Variants in ROCK2 observed in about 807,000 individuals in gnomAD.
ROCK2 encodes rho-associated protein kinase 2.
Under a neutral mutation model 195.1 loss-of-function variants are expected in ROCK2, and 61 were observed. That is an observed-to-expected ratio of 0.31 (90% CI 0.25 to 0.39). The LOEUF (loss-of-function observed/expected upper bound fraction) is 0.39, where lower values mean the gene tolerates loss of function less well. Ranked by LOEUF, ROCK2 falls within the 10% of genes least tolerant of loss-of-function variation. The pLI is 1.00. For synonymous variants in ROCK2, 504 were observed against 545.5 expected (o/e 0.92, Z 1.06); for missense variants, 1,109 against 1,637.4 (o/e 0.68, Z 5.57).
intron 4 of ROCK2, among the ~76,000 whole-genome samples, chr2:11,248,705 T>C (rs1172796761): frequency 2.0e-4 from 4 of 20,172 alleles, no homozygotes; most frequent in African/African-American, 2.1e-4. Flanking sequence ...CAAGACTTCA[T>C]CTCAAAAAAA....
intron 5 of ROCK2, among the ~76,000 whole-genome samples, chr2:11,231,538 A>C (rs1454922167): frequency 6.6e-6 from 1 of 152,106 alleles, no homozygotes; most frequent in African/African-American, 2.4e-5. Context: ...CTAACATATA[A>C]AGTGGTCTTA....
chr2:11,306,723 T>A (rs1667870017), intron 1 of ROCK2, among the ~76,000 whole-genome samples: 1 of 152,210 alleles, frequency 6.6e-6, no homozygotes. Flanking sequence ...AACAAATATG[T>A]CTACAGCATA....
chr2:11,201,975 TGAG>T lies in ROCK2; in HGVS notation c.2619+74_2619+76del. ...CTTTTGCCCAGCTGCTCTTTTTATA[TGAG>T]TTGTATGGTATAAATAAAATATCCC... On this transcript the variant is annotated intron_variant, in intron 21 of 32. Transcript: ENST00000315872. This position sits in a 1 kb window ranked among gnomAD's most constrained non-coding sequence, Gnocchi z 4.6. 1 of 1,040,360 alleles carries T rather than the reference TGAG, an allele frequency of 9.6e-7. No homozygotes were observed. Among genetic ancestry groups the T allele is most frequent in the South Asian group, 1.3e-5 (1 of 76,884 alleles). The allele number at this position is 1,040,360 out of a possible 1,614,324, so 64.4% of individuals were successfully genotyped here.
At chr2:11,208,154 A>C in intron 19 of ROCK2, 133 bp downstream of exon 19, 1 of 490,878 alleles carries the variant, frequency 2.0e-6, no homozygotes, top group South Asian at 1.1e-4. Flanking sequence ...ATATCATCAA[A>C]ATTTAGTTAA....
Position 11,215,025 on chromosome 2 carries a change from G to C in ROCK2, c.1751C>G (p.Thr584Ser), listed in dbSNP as rs1252482300. 1.9e-6 allele frequency: 3 copies of C among 1,613,960 alleles called. No homozygotes were observed. The highest frequency in any genetic ancestry group is 3.3e-5 in the Admixed American group (2 of 60,018). ...AATCTGTTTTGAACTTTCTGCCTGGGTTTTCCTTAACCGGGCTGCAGTATC... is the reference window on the plus strand; with the variant it reads ...AATCTGTTTTGAACTTTCTGCCTGGCTTTTCCTTAACCGGGCTGCAGTATC... ...ESDTAARLRKTQAESSKQIQQ... is the reference protein window; with the variant it reads ...ESDTAARLRKSQAESSKQIQQ... Residue 584 changes from threonine (T) to serine (S), a missense_variant, in exon 16 of 33, where the codon ACC (threonine) becomes AGC (serine). This residue lies in a region of ROCK2 where 542 missense variants were observed against 672.0 expected (regional missense o/e 0.81). Transcript: ENST00000315872.
chr2:11,330,493 A>G (rs1164178803), intron 1 of ROCK2, among the ~76,000 whole-genome samples: 1 of 152,178 alleles, frequency 6.6e-6, no homozygotes, highest in African/African-American at 2.4e-5. Flanking sequence ...GGATTTCAAC[A>G]TACAAAAACA....
chr2:11,213,783 T>C (rs1004094240), intron 17 of ROCK2, among the ~76,000 whole-genome samples: 4 of 152,000 alleles, frequency 2.6e-5, no homozygotes, highest in South Asian at 4.1e-4. Flanking sequence ...CCATAAGTCT[T>C]ATCATTCTAT....
intron 1 of ROCK2, among the ~76,000 whole-genome samples, chr2:11,312,033 C>T (rs1363482737): frequency 1.3e-5 from 2 of 152,130 alleles, no homozygotes; most frequent in African/African-American, 4.8e-5. Context: ...ATCCAGCCGT[C>T]GTTTCATACT....
At chr2:11,327,443 A>AT (rs1668583256) in intron 1 of ROCK2, among the ~76,000 whole-genome samples, 1 of 152,222 alleles carries the variant, frequency 6.6e-6, no homozygotes, top group African/African-American at 2.4e-5. Flanking sequence ...TTGGGAAACT[A>AT]TAAAGCCAGA....
chr2:11,190,228 C>T (rs1451314886), intron 32 of ROCK2, among the ~76,000 whole-genome samples: 1 of 151,974 alleles, frequency 6.6e-6, no homozygotes, highest in Non-Finnish European at 1.5e-5. Context: ...ACACATTTTA[C>T]AGTCAATTTT....
In ROCK2 at chr2:11,286,643, C is replaced by A. The variant is rs770679296; in HGVS notation, c.224-4G>T. ...ATTTTTTTCACAATTTTCTCATCTA[C>A]CATAAAAAGATCACCATACTTATAA... On this transcript the variant is annotated splice_polypyrimidine_tract_variant and splice_region_variant and intron_variant, in intron 2 of 32. Transcript: ENST00000315872. The A allele has an allele frequency of 6.8e-6, 10 of 1,472,728 alleles. No homozygotes were observed. In the Admixed American group the frequency reaches 1.7e-4, roughly 25 times the overall value. 91.2% of individuals were successfully genotyped at this position (1,472,728 alleles called of 1,614,324 possible).
At chr2:11,318,015 T>A (rs1215390169) in intron 1 of ROCK2, among the ~76,000 whole-genome samples, 1 of 152,156 alleles carries the variant, frequency 6.6e-6, no homozygotes, top group East Asian at 1.9e-4. Context: ...TCTATCATTG[T>A]TGGACATTTG....
chr2:11,182,793 T>C lies in ROCK2; in HGVS notation c.*644A>G, dbSNP rs1365527283. On this transcript the variant is annotated 3_prime_UTR_variant, in exon 33 of 33. Coordinates refer to ENST00000315872, the MANE Select transcript of ROCK2 (RefSeq NM_004850.5). Reference sequence around the variant, plus strand: ...TACAGTAACTGCTTAAACATGAACATGCAACTTCCATCAGGTACACAGGAA... The same window carrying C: ...TACAGTAACTGCTTAAACATGAACACGCAACTTCCATCAGGTACACAGGAA... The C allele has an allele frequency of 1.3e-5, 2 of 152,616 alleles. No homozygotes were observed. The highest frequency in any genetic ancestry group is 2.9e-5 in the Non-Finnish European group (2 of 68,032). 9.5% of individuals were successfully genotyped at this position (152,616 alleles called of 1,614,324 possible).
At chr2:11,200,491 T>C (rs1242770390) in intron 23 of ROCK2, among the ~76,000 whole-genome samples, 1 of 152,204 alleles carries the variant, frequency 6.6e-6, no homozygotes, top group Non-Finnish European at 1.5e-5. Flanking sequence ...TGCAGAAATC[T>C]TTCTGGCCTC....
intron 1 of ROCK2, among the ~76,000 whole-genome samples, chr2:11,318,004 G>C (rs1032340554): frequency 2.0e-4 from 30 of 152,028 alleles, no homozygotes; most frequent in African/African-American, 7.0e-4. Flanking sequence ...TCTTAATCCA[G>C]TCTATCATTG....
At chr2:11,232,017 C>CT (rs1246434440) in intron 5 of ROCK2, among the ~76,000 whole-genome samples, 4 of 151,760 alleles carry the variant, frequency 2.6e-5, no homozygotes, top group African/African-American at 7.3e-5. Context: ...TATTTTTCTT[C>CT]TTTTTTTTAA....
intron 3 of ROCK2, among the ~76,000 whole-genome samples, chr2:11,253,521 T>C (rs1665910995): frequency 6.6e-6 from 1 of 152,256 alleles, no homozygotes; most frequent in South Asian, 2.1e-4. Context: ...CCCTATTTGT[T>C]TTCTTCCTGG....
intron 3 of ROCK2, among the ~76,000 whole-genome samples, chr2:11,262,569 G>A (rs1666266009): frequency 6.6e-6 from 1 of 152,146 alleles, no homozygotes; most frequent in South Asian, 2.1e-4. Flanking sequence ...TAAGTCTCAT[G>A]AGATCTAATG....
At chr2:11,298,897 T>C (rs115066724) in intron 1 of ROCK2, among the ~76,000 whole-genome samples, 2,310 of 152,238 alleles carry the variant, frequency 0.015, 39 homozygotes, top group South Asian at 0.028. Context: ...TGTCAGAATT[T>C]GATATATCAC....
Sources: gnomAD v4.1 joint callset for allele counts (sites outside exome capture counted in the v4.1 genomes callset) on GRCh38, gnomAD v4.1.1 for gene constraint, gnomAD v4.1.1 regional missense constraint, Gnocchi (gnomAD v3.1) non-coding constraint, MANE v1.5 for transcripts, NCBI Gene and HGNC (gene_info 2026-07-23, HGNC 2026-07-21) for gene names.